Variants in DNAH6 observed in about 807,000 individuals in gnomAD.
DNAH6 encodes dynein axonemal heavy chain 6.
In DNAH6, 340 loss-of-function variants were observed where a neutral mutation model predicts 491.4. The observed-to-expected ratio is 0.69, with a 90% CI of 0.63 to 0.76. DNAH6 has a LOEUF of 0.76. Ranked by LOEUF, DNAH6 falls within the 30% of genes least tolerant of loss-of-function variation. The pLI, the probability that DNAH6 is intolerant of heterozygous loss-of-function variation, is 0.00. For missense variants in DNAH6, 4,443 were observed against 4,972.2 expected (o/e 0.89, Z 3.20); for synonymous variants, 1,603 against 1,686.1 (o/e 0.95, Z 1.21).
intron 15 of DNAH6, 39 bp downstream of exon 15, chr2:84,584,289 A>G: frequency 6.3e-6 from 10 of 1,586,966 alleles, no homozygotes; most frequent in Non-Finnish European, 8.6e-6. Context: ...AATCTATGCA[A>G]AGTTTTACTA....
At chr2:84,617,934 C>T (rs1201078317) in intron 23 of DNAH6, among the ~76,000 whole-genome samples, 2 of 152,074 alleles carry the variant, frequency 1.3e-5, no homozygotes, top group Non-Finnish European at 2.9e-5. Flanking sequence ...TTAACACTTT[C>T]ATACCCTCAA....
the DNAH6 span, among the ~76,000 whole-genome samples, chr2:84,466,359 T>C: frequency 6.6e-6 from 1 of 152,240 alleles, no homozygotes; most frequent in Non-Finnish European, 1.5e-5. Context: ...AACAGATTCT[T>C]ATTGCACTTA....
chr2:84,763,077 A>G, intron 64 of DNAH6, 132 bp downstream of exon 64: 1 of 685,840 alleles, frequency 1.5e-6, no homozygotes, highest in Non-Finnish European at 2.5e-6. Flanking sequence ...TAAATTTAAG[A>G]TATGTTAATA....
chr2:84,578,173 T>TA (rs1325858445), intron 13 of DNAH6, among the ~76,000 whole-genome samples: 1 of 152,142 alleles, frequency 6.6e-6, no homozygotes, highest in Non-Finnish European at 1.5e-5. Context: ...GAGCACTGTA[T>TA]AAAAAAGAGT....
intron 11 of DNAH6, among the ~76,000 whole-genome samples, chr2:84,568,188 A>T (rs1681411715): frequency 6.6e-6 from 1 of 152,220 alleles, no homozygotes; most frequent in Non-Finnish European, 1.5e-5. Context: ...ACCTAGAACC[A>T]GAAATACCAT....
chr2:84,548,141 A>G (rs1460339310), intron 7 of DNAH6, 147 bp from the exon 8 acceptor site: 1 of 727,968 alleles, frequency 1.4e-6, no homozygotes, highest in Non-Finnish European at 2.2e-6. Flanking sequence ...ATTTTGGATA[A>G]TTGGGCTGTT....
intron 41 of DNAH6, among the ~76,000 whole-genome samples, chr2:84,678,952 T>C (rs978705443): frequency 6.6e-6 from 1 of 152,180 alleles, no homozygotes; most frequent in Non-Finnish European, 1.5e-5. Context: ...TCTAGGCCCA[T>C]GGATCTCAAA....
At chr2:84,624,077 C>G (rs1021973738) in intron 26 of DNAH6, among the ~76,000 whole-genome samples, 188 bp from the exon 27 acceptor site, 1 of 152,166 alleles carries the variant, frequency 6.6e-6, no homozygotes, top group East Asian at 1.9e-4. Flanking sequence ...GGGGTAAAGA[C>G]AGTATATATT....
intron 45 of DNAH6, 111 bp downstream of exon 45, chr2:84,688,704 T>C: frequency 1.2e-6 from 1 of 816,310 alleles, no homozygotes; most frequent in South Asian, 2.0e-5. Context: ...TGGTCAGAGG[T>C]CTTTTATTAA....
chr2:84,734,551 C>G (rs1272837489), intron 62 of DNAH6, among the ~76,000 whole-genome samples: 1 of 152,138 alleles, frequency 6.6e-6, no homozygotes, highest in African/African-American at 2.4e-5. Flanking sequence ...ACTTCTTTTG[C>G]AGCCTGGTGC....
chr2:84,468,833 A>G, the DNAH6 span, among the ~76,000 whole-genome samples: 1 of 152,176 alleles, frequency 6.6e-6, no homozygotes, highest in African/African-American at 2.4e-5. Context: ...TGAACCCTAA[A>G]ATTTCTGTTC....
At chr2:84,482,380 T>C in the DNAH6 span, among the ~76,000 whole-genome samples, 5 of 152,238 alleles carry the variant, frequency 3.3e-5, no homozygotes, top group Non-Finnish European at 7.3e-5. Context: ...GTTTAAGTCA[T>C]GCTTCCAGGT....
intron 50 of DNAH6, among the ~76,000 whole-genome samples, 178 bp from the exon 51 acceptor site, chr2:84,703,889 C>A (rs1316670440): frequency 6.6e-6 from 1 of 152,146 alleles, no homozygotes; most frequent in Non-Finnish European, 1.5e-5. Flanking sequence ...AGTTTATATT[C>A]ATTATGCTAT....
In DNAH6 at chr2:84,717,519, CTGTT is replaced by C. The variant is rs557433628; in HGVS notation, c.9612-680_9612-677del. ...ATCTCAAGAAGTGACCCACTAGAGT[CTGTT>C]TGTTCACCTGCAAGCTGGGGATGAT... On this transcript the variant is annotated intron_variant, in intron 58 of 76. Transcript: ENST00000389394. Among the ~76,000 whole-genome samples the C allele has an allele frequency of 3.7e-3, 568 of 152,294 alleles. 1 individual carries two copies. The highest frequency in any genetic ancestry group is 0.012 in the African/African-American group (517 of 41,560).
chr2:84,606,315 C>A (rs1490229201), intron 20 of DNAH6, among the ~76,000 whole-genome samples: 1 of 152,082 alleles, frequency 6.6e-6, no homozygotes, highest in Non-Finnish European at 1.5e-5. Flanking sequence ...GGAGAGCAGA[C>A]TCAAAGAGGT....
chr2:84,483,614 T>A, the DNAH6 span, among the ~76,000 whole-genome samples: 4 of 152,084 alleles, frequency 2.6e-5, no homozygotes, highest in East Asian at 7.7e-4. Context: ...AGATATATAA[T>A]CACCTAGAAT....
At chr2:84,594,222 G>T in intron 17 of DNAH6, 137 bp downstream of exon 17, 1 of 613,844 alleles carries the variant, frequency 1.6e-6, no homozygotes, top group Non-Finnish European at 2.8e-6. Flanking sequence ...ATCATTTTCT[G>T]ATAATTTTTA....
intron 65 of DNAH6, among the ~76,000 whole-genome samples, chr2:84,783,301 A>C (rs1676869065): frequency 6.6e-6 from 1 of 152,188 alleles, no homozygotes; most frequent in South Asian, 2.1e-4. Context: ...CTGTACTAAG[A>C]TGATTTCTAA....
chr2:84,550,255 C>T (rs1218690109), intron 9 of DNAH6, among the ~76,000 whole-genome samples, 198 bp downstream of exon 9: 1 of 152,188 alleles, frequency 6.6e-6, no homozygotes, highest in South Asian at 2.1e-4. Flanking sequence ...GGGATGATTT[C>T]GGGATGAAAC....
Sources: gnomAD v4.1 joint callset for allele counts (sites outside exome capture counted in the v4.1 genomes callset) on GRCh38, gnomAD v4.1.1 for gene constraint, MANE v1.5 for transcripts, NCBI Gene and HGNC (gene_info 2026-07-23, HGNC 2026-07-21) for gene names.